Variants in DENND1A observed in about 807,000 individuals in gnomAD.
DENND1A encodes the protein DENN domain-containing protein 1A.
In DENND1A, 51 loss-of-function variants were observed where a neutral mutation model predicts 113.7. The ratio of observed to expected loss-of-function variants is 0.45; its 90% CI spans 0.36 to 0.57. The LOEUF is 0.57. Among genes scored for constraint, DENND1A ranks in the 20% least tolerant of loss-of-function variants. The pLI is 0.00. For synonymous variants in DENND1A, 565 were observed against 570.8 expected (o/e 0.99, Z 0.14); for missense variants, 1,258 against 1,395.9 (o/e 0.90, Z 1.57).
At chr9:123,656,724 C>G (rs569609140) in intron 8 of DENND1A, among the ~76,000 whole-genome samples, 1 of 152,310 alleles carries the variant, frequency 6.6e-6, no homozygotes, top group East Asian at 1.9e-4. Context: ...GCTTAGTGTC[C>G]TGGGCTGTAA....
At chr9:123,575,668 A>T (rs1256053915) in intron 12 of DENND1A, among the ~76,000 whole-genome samples, 1 of 152,204 alleles carries the variant, frequency 6.6e-6, no homozygotes, top group African/African-American at 2.4e-5. Flanking sequence ...TTTTAGGAAT[A>T]AATACATTCT....
intron 4 of DENND1A, among the ~76,000 whole-genome samples, chr9:123,763,359 A>C (rs1241015162): frequency 6.6e-6 from 1 of 152,196 alleles, no homozygotes; most frequent in African/African-American, 2.4e-5. Context: ...ACAGGCTTGC[A>C]GATGGACTGG....
At chr9:123,529,225 A>G (rs953800887) in intron 13 of DENND1A, among the ~76,000 whole-genome samples, 7 of 152,228 alleles carry the variant, frequency 4.6e-5, no homozygotes, top group Non-Finnish European at 1.0e-4. Flanking sequence ...GACCTAAAAA[A>G]TGTTACTGAA....
chr9:123,549,822 AT>A (rs2056931431), intron 13 of DENND1A, among the ~76,000 whole-genome samples: 1 of 152,234 alleles, frequency 6.6e-6, no homozygotes, highest in Admixed American at 6.5e-5. Context: ...TAATGAAAAA[AT>A]AAAGAGTAAA....
chr9:123,741,576 T>C lies in DENND1A; in HGVS notation c.302+16127A>G, dbSNP rs1413336368. 2.6e-5 allele frequency among the ~76,000 whole-genome samples: 4 copies of C among 152,226 alleles called. No homozygotes were observed. The East Asian group carries it at 7.7e-4, about 29-fold the overall frequency. On this transcript the variant is annotated intron_variant, in intron 5 of 23. Transcript: ENST00000394215. ...GTTTACAGAGGCAGCATCATAATTG[T>C]TTAAGGCCCTTCCTTAGGGTTCTTT...
At chr9:123,552,536 C>T (rs1002680142) in intron 13 of DENND1A, among the ~76,000 whole-genome samples, 9 of 152,218 alleles carry the variant, frequency 5.9e-5, no homozygotes, top group African/African-American at 1.9e-4. Flanking sequence ...CCCACCTCCA[C>T]CTCCCCCACC....
In DENND1A at chr9:123,382,360, C is replaced by T. The variant is rs769475609; in HGVS notation, c.2285G>A (p.Arg762Gln). ...CTCTGGGGTCTTCCTGCCTTGGGGC[C>T]GGGGGATGGTGATGCTGCCCAGAGT... Reference protein sequence around the residue: ...TPTLGSITIPRPQGRKTPELG... With the variant: ...TPTLGSITIPQPQGRKTPELG... The change falls in exon 24 of 24, where the codon CGG becomes CAG. Residue 762 changes from arginine (R) to glutamine (Q), a missense_variant. Coordinates refer to ENST00000394215, the MANE Select transcript of DENND1A (RefSeq NM_001352964.2). 2.6e-5 allele frequency: 42 copies of T among 1,600,752 alleles called. No homozygotes were observed. The highest frequency in any genetic ancestry group is 1.7e-4 in the Middle Eastern group (1 of 5,998).
chr9:123,541,797 G>A (rs901918468), intron 13 of DENND1A, among the ~76,000 whole-genome samples: 1 of 152,204 alleles, frequency 6.6e-6, no homozygotes, highest in African/African-American at 2.4e-5. Flanking sequence ...ATCTGCCATC[G>A]CATTTAATTC....
chr9:123,865,081 T>C (rs545330228), intron 2 of DENND1A, among the ~76,000 whole-genome samples: 24 of 152,326 alleles, frequency 1.6e-4, no homozygotes, highest in Non-Finnish European at 2.6e-4. Flanking sequence ...TTGCAGATGC[T>C]CTTCCTTCTG....
chr9:123,667,222 T>C (rs1488621995), intron 7 of DENND1A, 143 bp from the exon 8 acceptor site: 3 of 789,568 alleles, frequency 3.8e-6, no homozygotes, highest in African/African-American at 3.7e-5. Flanking sequence ...CATGGAATAT[T>C]TTCTTTGGAT....
intron 5 of DENND1A, among the ~76,000 whole-genome samples, chr9:123,706,770 CAAAAAAAAAA>C (rs575483682): frequency 3.4e-4 from 18 of 53,568 alleles, no homozygotes; most frequent in African/African-American, 5.5e-4. Flanking sequence ...GACTCCGTCT[CAAAAAAAAAA>C]AAAAAAAAAA....
At chr9:123,902,501 G>A (rs942155664) in intron 1 of DENND1A, among the ~76,000 whole-genome samples, 2 of 152,070 alleles carry the variant, frequency 1.3e-5, no homozygotes, top group Admixed American at 6.5e-5. Context: ...ACCATCACTC[G>A]CAAGCACAAA....
Position 123,440,463 on chromosome 9 carries a change from G to A in DENND1A, c.1385C>T (p.Thr462Ile). Residue 462 changes from threonine to isoleucine, a missense_variant, in exon 19 of 24, where the codon ACC (threonine) becomes ATC (isoleucine). Physicochemically the swap from Thr to Ile is moderately conservative, Grantham distance 89. This residue lies in a region of DENND1A where 1,159 missense variants were observed against 1,231.7 expected (regional missense o/e 0.94). Coordinates refer to ENST00000394215, the MANE Select transcript of DENND1A (RefSeq NM_001352964.2). Reference protein sequence around the residue: ...KDIAENGCAPTPEEQLPKTAP... With the variant: ...KDIAENGCAPIPEEQLPKTAP... ...AGTCTTTGGCAGCTGCTCTTCTGGG[G>A]TGGGGGCGCAGCCATTCTCGGCAAT... 2 of 1,572,386 alleles carry A rather than the reference G, an allele frequency of 1.3e-6. No individual in the cohort carries two copies. Among genetic ancestry groups the A allele is most frequent in the East Asian group, 2.4e-5 (1 of 42,486 alleles).
chr9:123,804,432 G>C (rs1276695182), intron 2 of DENND1A, among the ~76,000 whole-genome samples: 2 of 152,144 alleles, frequency 1.3e-5, no homozygotes, highest in African/African-American at 4.8e-5. Flanking sequence ...CCACTCTCCT[G>C]CCTCACTGGC....
At chr9:123,505,744 T>A (rs1428700747) in intron 13 of DENND1A, among the ~76,000 whole-genome samples, 1 of 152,184 alleles carries the variant, frequency 6.6e-6, no homozygotes, top group African/African-American at 2.4e-5. Context: ...AAAAGCCCAC[T>A]TTCCCAATGA....
intron 2 of DENND1A, among the ~76,000 whole-genome samples, chr9:123,848,709 C>T (rs904841309): frequency 9.9e-5 from 15 of 152,180 alleles, no homozygotes; most frequent in African/African-American, 3.6e-4. Flanking sequence ...AGTTAGTCTT[C>T]TTGTACCAAA....
chr9:123,734,695 C>T (rs938444390), intron 5 of DENND1A, among the ~76,000 whole-genome samples: 1 of 152,062 alleles, frequency 6.6e-6, no homozygotes, highest in Non-Finnish European at 1.5e-5. Context: ...TCTTCCTCTG[C>T]GGGACTGCTG....
intron 2 of DENND1A, among the ~76,000 whole-genome samples, chr9:123,849,727 C>T (rs544967728): frequency 6.6e-6 from 1 of 152,324 alleles, no homozygotes; most frequent in South Asian, 2.1e-4. Flanking sequence ...TGAAAACCTT[C>T]TGGAAAGAAT....
At chr9:123,795,075 G>T (rs1430882134) in intron 2 of DENND1A, among the ~76,000 whole-genome samples, 1 of 152,122 alleles carries the variant, frequency 6.6e-6, no homozygotes, top group African/African-American at 2.4e-5. Flanking sequence ...ACAACTCTTG[G>T]TTTCTTTTCA....
Sources: allele counts gnomAD v4.1 joint callset (sites outside exome capture counted in the v4.1 genomes callset), GRCh38; gene constraint gnomAD v4.1.1; regional missense constraint gnomAD v4.1.1; transcripts MANE v1.5; gene names NCBI Gene and HGNC (gene_info 2026-07-23, HGNC 2026-07-21).